The following SPAG16 variants were observed in gnomAD, a reference collection of about 807,000 sequenced individuals.
SPAG16 encodes sperm-associated antigen 16 protein.
A neutral mutation model predicts 80.4 loss-of-function variants in SPAG16; 86 were observed. That is an observed-to-expected ratio of 1.07 (90% CI 0.90 to 1.28). The LOEUF (loss-of-function observed/expected upper bound fraction) is 1.28. Among genes scored for constraint, SPAG16 ranks in the 50% most tolerant of loss-of-function variants. The pLI is 0.00. For synonymous variants in SPAG16, 294 were observed against 265.9 expected (o/e 1.11, Z -1.03); for missense variants, 870 against 765.3 (o/e 1.14, Z -1.61).
At chr2:214,105,828 G>A (rs2053353055) in intron 13 of SPAG16, among the ~76,000 whole-genome samples, 1 of 152,056 alleles carries the variant, frequency 6.6e-6, no homozygotes, top group Admixed American at 6.6e-5. Flanking sequence ...CACAAAAAGA[G>A]GAGATTCACT....
chr2:213,648,391 C>T (rs2062900860), intron 10 of SPAG16, among the ~76,000 whole-genome samples: 1 of 152,106 alleles, frequency 6.6e-6, no homozygotes, highest in Non-Finnish European at 1.5e-5. Context: ...TCATTGGGTT[C>T]CATCTGCCAC....
intron 10 of SPAG16, among the ~76,000 whole-genome samples, chr2:213,767,655 T>TCACA (rs3220937): frequency 0.64 from 94,410 of 147,592 alleles, 30,544 homozygotes; most frequent in East Asian, 0.83. Context: ...ACAACATACT[T>TCACA]CACACACACA....
chr2:213,344,439 T>C (rs1006184271), intron 6 of SPAG16, among the ~76,000 whole-genome samples: 11 of 152,110 alleles, frequency 7.2e-5, no homozygotes, highest in African/African-American at 2.7e-4. Context: ...GCAGGTTTGT[T>C]ACATATGTAT....
At chr2:213,767,856 A>G (rs977997300) in intron 10 of SPAG16, among the ~76,000 whole-genome samples, 8 of 152,220 alleles carry the variant, frequency 5.3e-5, no homozygotes, top group Non-Finnish European at 1.2e-4. Flanking sequence ...TTGAGTGATA[A>G]AATGGTACAG....
intron 10 of SPAG16, among the ~76,000 whole-genome samples, chr2:213,721,621 T>C (rs376958541): frequency 2.0e-5 from 3 of 152,366 alleles, no homozygotes; most frequent in African/African-American, 4.8e-5. Flanking sequence ...AAATTACTAA[T>C]ATACTGACTT....
intron 14 of SPAG16, among the ~76,000 whole-genome samples, chr2:214,147,077 A>G (rs1268089912): frequency 2.0e-5 from 3 of 152,122 alleles, no homozygotes; most frequent in Admixed American, 1.3e-4. Flanking sequence ...TTCTAAGGCA[A>G]TGGAAAAAGT....
intron 10 of SPAG16, among the ~76,000 whole-genome samples, chr2:213,729,347 C>T (rs16850783): frequency 0.17 from 26,192 of 152,138 alleles, 2,901 homozygotes; most frequent in East Asian, 0.48. Context: ...TCCCTCAATT[C>T]TAGAATGGAC....
intron 12 of SPAG16, among the ~76,000 whole-genome samples, chr2:213,975,280 A>C (rs2045308504): frequency 6.6e-6 from 1 of 151,234 alleles, no homozygotes; most frequent in Non-Finnish European, 1.5e-5. Context: ...TGAAAAAGTG[A>C]TAATATCCTA....
At chr2:214,287,256 A>G (rs1342497768) in intron 15 of SPAG16, among the ~76,000 whole-genome samples, 2 of 152,222 alleles carry the variant, frequency 1.3e-5, no homozygotes, top group African/African-American at 2.4e-5. Flanking sequence ...AAGTATTTGA[A>G]AGTAGAAATT....
At chr2:214,324,742 T>C (rs751463121) in intron 15 of SPAG16, among the ~76,000 whole-genome samples, 4 of 150,508 alleles carry the variant, frequency 2.7e-5, no homozygotes, top group Admixed American at 1.3e-4. Flanking sequence ...TTTCTCCTCC[T>C]CTACTAACTC....
chr2:213,725,263 A>G (rs945595313), intron 10 of SPAG16, among the ~76,000 whole-genome samples: 2 of 152,126 alleles, frequency 1.3e-5, no homozygotes, highest in African/African-American at 4.8e-5. Flanking sequence ...AGCTCAAGTG[A>G]TCCAGCTGCT....
At chr2:213,953,146 TA>T in intron 12 of SPAG16, among the ~76,000 whole-genome samples, 1 of 152,154 alleles carries the variant, frequency 6.6e-6, no homozygotes, top group Admixed American at 6.5e-5. Flanking sequence ...TTTCTGTGAA[TA>T]TTTTTTCAAC....
intron 3 of SPAG16, among the ~76,000 whole-genome samples, chr2:213,303,433 A>T (rs1436674177): frequency 1.3e-5 from 2 of 151,054 alleles, no homozygotes; most frequent in African/African-American, 2.4e-5. Flanking sequence ...TAATTTAAAA[A>T]TTACTATAAA....
intron 13 of SPAG16, among the ~76,000 whole-genome samples, chr2:214,084,732 C>T (rs2051608913): frequency 6.6e-6 from 1 of 152,228 alleles, no homozygotes; most frequent in Admixed American, 6.5e-5. Context: ...ATAAGTGACA[C>T]ACTTATTTCC....
chr2:213,631,463 AAATATC>A (rs1015830175), intron 10 of SPAG16, among the ~76,000 whole-genome samples: 5 of 152,180 alleles, frequency 3.3e-5, no homozygotes, highest in African/African-American at 1.2e-4. Context: ...GTCCCCACCC[AAATATC>A]ATGTTGAATT....
chr2:213,885,265 C>A (rs965965692), intron 11 of SPAG16, among the ~76,000 whole-genome samples: 1 of 152,098 alleles, frequency 6.6e-6, no homozygotes, highest in Non-Finnish European at 1.5e-5. Context: ...GGGCTTTCAT[C>A]CAGAAGATAG....
chr2:214,277,614 G>A (rs962096607), intron 15 of SPAG16, among the ~76,000 whole-genome samples: 12 of 152,170 alleles, frequency 7.9e-5, no homozygotes, highest in Admixed American at 2.6e-4. Flanking sequence ...TATCACCAGC[G>A]GAGGCTGAAG....
intron 10 of SPAG16, among the ~76,000 whole-genome samples, chr2:213,793,413 A>G (rs2070828117): frequency 6.6e-6 from 1 of 152,180 alleles, no homozygotes. Flanking sequence ...TAAAAGAGTT[A>G]TAGGTACATG....
chr2:214,306,977 A>G (rs377201799), intron 15 of SPAG16, among the ~76,000 whole-genome samples: 1 of 152,066 alleles, frequency 6.6e-6, no homozygotes, highest in Non-Finnish European at 1.5e-5. Flanking sequence ...TCTTCTTTGT[A>G]CATCTGGTAG....
Sources: gnomAD v4.1 joint callset for allele counts (sites outside exome capture counted in the v4.1 genomes callset) on GRCh38, gnomAD v4.1.1 for gene constraint, MANE v1.5 for transcripts, NCBI Gene and HGNC (gene_info 2026-07-23, HGNC 2026-07-21) for gene names.